Variants in SPEN observed in about 807,000 individuals in gnomAD.
SPEN encodes spen family transcriptional repressor, also known as msx2-interacting protein.
SPEN carries 18 observed loss-of-function variants against 269.9 expected under a neutral mutation model. The ratio of observed to expected loss-of-function variants is 0.07; its 90% confidence interval spans 0.05 to 0.10. The LOEUF is 0.10. Ranked by LOEUF, SPEN falls within the 10% of genes least tolerant of loss-of-function variation. The pLI, the probability that SPEN is intolerant of heterozygous loss-of-function variation, is 1.00. For missense variants in SPEN, 3,822 were observed against 4,631.2 expected (o/e 0.83, Z 5.07); for synonymous variants, 1,726 against 1,765.7 (o/e 0.98, Z 0.56).
intron 3 of SPEN, among the ~76,000 whole-genome samples, chr1:15,894,536 G>GGTT (rs1553177206): frequency 9.0e-5 from 9 of 100,382 alleles, no homozygotes; most frequent in African/African-American, 1.3e-4. Context: ...TATTATGGTT[G>GGTT]TTTTTTTTTT....
intron 3 of SPEN, among the ~76,000 whole-genome samples, chr1:15,899,861 T>A (rs377003565): frequency 5.9e-5 from 9 of 152,098 alleles, no homozygotes; most frequent in Non-Finnish European, 1.3e-4. Flanking sequence ...TATTTATTTA[T>A]TTTTGAGAGA....
chr1:15,898,239 T>C, intron 3 of SPEN, among the ~76,000 whole-genome samples: 1 of 151,762 alleles, frequency 6.6e-6, no homozygotes. Flanking sequence ...TTAACGACTT[T>C]TAAGTGTTCA....
At chr1:15,895,678 C>CTTTTT (rs746305617) in intron 3 of SPEN, among the ~76,000 whole-genome samples, 1 of 129,682 alleles carries the variant, frequency 7.7e-6, no homozygotes, top group African/African-American at 3.0e-5. Flanking sequence ...TATACTTAAC[C>CTTTTT]TTTTTTTTTT....
intron 1 of SPEN, among the ~76,000 whole-genome samples, chr1:15,855,990 C>CCTTTTTTTTTTT (rs370972899): frequency 3.5e-5 from 1 of 28,220 alleles, no homozygotes; most frequent in Non-Finnish European, 7.9e-5. Flanking sequence ...GATGCTAGAA[C>CCTTTTTTTTTTT]TTTTTTTTTT....
Position 15,918,944 on chromosome 1 carries a change from G to A in SPEN, c.1414G>A (p.Val472Ile), listed in dbSNP as rs1371041895. The A allele has an allele frequency of 1.2e-6, 2 of 1,609,044 alleles. No individual in the cohort carries two copies. Reference protein sequence around the residue: ...GEIVDIDIKKVNGVPQYAFLQ... With the variant: ...GEIVDIDIKKINGVPQYAFLQ... Reference sequence around the variant, plus strand: ...TTTTCAGGATATTGACATTAAGAAAGTAAATGGAGTTCCTCAGTATGCGTT... The same window carrying A: ...TTTTCAGGATATTGACATTAAGAAAATAAATGGAGTTCCTCAGTATGCGTT... The change falls in exon 7 of 15, where the codon GTA (valine) becomes ATA (isoleucine). Residue 472 changes from valine to isoleucine, a missense_variant. This residue lies in a region of SPEN where 230 missense variants were observed against 426.1 expected (regional missense o/e 0.54). Transcript: ENST00000375759.
intron 8 of SPEN, among the ~76,000 whole-genome samples, chr1:15,919,900 G>C (rs1382894802): frequency 6.6e-6 from 1 of 152,034 alleles, no homozygotes; most frequent in African/African-American, 2.4e-5. Flanking sequence ...TCACACAACA[G>C]AATATTCATC....
chr1:15,900,165 G>A (rs767420968), intron 3 of SPEN, among the ~76,000 whole-genome samples: 6 of 152,218 alleles, frequency 3.9e-5, no homozygotes, highest in South Asian at 2.1e-4. Flanking sequence ...CTTTTTAAAC[G>A]AAATTAAAAA....
At position 15,852,924 on chromosome 1, in the gene SPEN, A is replaced by G. The variant is rs576654818; in HGVS notation, c.83+4774A>G. ...GAGACAGAGTCACCCAAGATGGATCACGGCTCAATGCAGCCTTGACCTCCC... is the reference window on the plus strand; with the variant it reads ...GAGACAGAGTCACCCAAGATGGATCGCGGCTCAATGCAGCCTTGACCTCCC... On this transcript the variant is annotated intron_variant, in intron 1 of 14. Transcript: ENST00000375759. 1.4e-4 allele frequency among the ~76,000 whole-genome samples: 22 copies of G among 152,332 alleles called. No homozygotes were observed. In the South Asian group the frequency reaches 4.3e-3, roughly 30 times the overall value.
intron 1 of SPEN, among the ~76,000 whole-genome samples, chr1:15,868,378 T>G (rs1317250121): frequency 6.6e-6 from 1 of 151,896 alleles, no homozygotes; most frequent in African/African-American, 2.4e-5. Context: ...AATCTGTAAT[T>G]ATTTTCTCCT....
At position 15,848,038 on chromosome 1, in the gene SPEN, GC is replaced by G; in HGVS notation, c.-29del. On this transcript the variant is annotated 5_prime_UTR_variant, in exon 1 of 15. Coordinates refer to ENST00000375759, the MANE Select transcript of SPEN (RefSeq NM_015001.3). This position sits in a 1 kb window ranked among gnomAD's most constrained non-coding sequence, Gnocchi z 5.1. ...GTACGAAGCCGGCGAGGGGGAGCCA[GC>G]AGCGGCGGTCGCCGGCACGCCGCCC... The G allele has an allele frequency of 7.2e-7, 1 of 1,383,718 alleles. No homozygotes were observed. The highest frequency in any genetic ancestry group is 1.6e-5 in the South Asian group (1 of 64,148). 85.7% of individuals were successfully genotyped at this position (1,383,718 alleles called of 1,614,324 possible).
chr1:15,922,561 C>G (rs527635365), intron 10 of SPEN, among the ~76,000 whole-genome samples: 1 of 152,086 alleles, frequency 6.6e-6, no homozygotes, highest in South Asian at 2.1e-4. Flanking sequence ...AGCAACCTGT[C>G]TGGATTTCTC....
intron 3 of SPEN, among the ~76,000 whole-genome samples, chr1:15,897,622 A>G (rs2070855361): frequency 6.6e-6 from 1 of 151,334 alleles, no homozygotes; most frequent in African/African-American, 2.4e-5. Context: ...TCGGCCTCTC[A>G]AAGTGCTGGG....
chr1:15,924,231 C>T (rs2071146299), intron 10 of SPEN, among the ~76,000 whole-genome samples: 1 of 152,284 alleles, frequency 6.6e-6, no homozygotes, highest in African/African-American at 2.4e-5. Flanking sequence ...AATTCTCTAT[C>T]CTGGCTTCCC....
chr1:15,922,374 T>C (rs1342002981), intron 10 of SPEN, 25 bp downstream of exon 10: 2 of 1,507,850 alleles, frequency 1.3e-6, no homozygotes, highest in Non-Finnish European at 1.8e-6. Flanking sequence ...CTTACCAGTG[T>C]AGCTTGAGTT....
intron 13 of SPEN, 135 bp from the exon 14 acceptor site, chr1:15,938,583 T>TAA: frequency 2.4e-6 from 1 of 424,908 alleles, no homozygotes; most frequent in Non-Finnish European, 3.6e-6. Flanking sequence ...TTTTTTTTTT[T>TAA]TCATTCAAAT....
At chr1:15,859,453 G>T (rs2070420589) in intron 1 of SPEN, among the ~76,000 whole-genome samples, 1 of 150,702 alleles carries the variant, frequency 6.6e-6, no homozygotes, top group Non-Finnish European at 1.5e-5. Flanking sequence ...CGCCTCCTGG[G>T]TTCACACCAT....
intron 4 of SPEN, 22 bp downstream of exon 4, chr1:15,909,503 C>T (rs770581069): frequency 6.2e-6 from 10 of 1,610,616 alleles, no homozygotes; most frequent in Non-Finnish European, 8.5e-7. Context: ...TGTGAATGTC[C>T]TTTCCTCTGT....
At chr1:15,856,081 C>T (rs1302024129) in intron 1 of SPEN, among the ~76,000 whole-genome samples, 2 of 144,800 alleles carry the variant, frequency 1.4e-5, no homozygotes, top group Admixed American at 6.9e-5. Flanking sequence ...CAAGCTCCAC[C>T]TCCTGGGTTC....
At chr1:15,882,417 G>A (rs753303881) in intron 3 of SPEN, among the ~76,000 whole-genome samples, 8 of 151,996 alleles carry the variant, frequency 5.3e-5, no homozygotes, top group Non-Finnish European at 8.8e-5. Flanking sequence ...ATCCCAGCAC[G>A]TTGGGAGGTT....
Sources: allele counts gnomAD v4.1 joint callset (sites outside exome capture counted in the v4.1 genomes callset), GRCh38; gene constraint gnomAD v4.1.1; regional missense constraint gnomAD v4.1.1; non-coding constraint Gnocchi (gnomAD v3.1); transcripts MANE v1.5; gene names NCBI Gene and HGNC (gene_info 2026-07-23, HGNC 2026-07-21).